The following C10orf71 variants were observed in gnomAD, a reference collection of about 807,000 sequenced individuals.
C10orf71 encodes the protein chromosome 10 open reading frame 71.
For missense variants in C10orf71, 1,869 were observed against 1,804.5 expected (o/e 1.04, Z -0.65); for synonymous variants, 758 against 726.3 (o/e 1.04, Z -0.70).
intron 1 of C10orf71, among the ~76,000 whole-genome samples, 168 bp from the exon 2 acceptor site, chr10:49,315,977 A>G (rs1454832767): frequency 6.6e-6 from 1 of 152,084 alleles, no homozygotes; most frequent in East Asian, 1.9e-4. Flanking sequence ...AATTGCTTGA[A>G]CCCAGGAGGC....
At chr10:49,302,113 A>T (rs1476932455) in intron 1 of C10orf71, among the ~76,000 whole-genome samples, 1 of 152,218 alleles carries the variant, frequency 6.6e-6, no homozygotes, top group African/African-American at 2.4e-5. Flanking sequence ...GGCAGGGGGA[A>T]GGGGAGGCTC....
In C10orf71 at chr10:49,325,422, A is replaced by G; in HGVS notation, c.2877A>G (p.Pro959=). Residue 959 remains proline, a synonymous_variant, in exon 3 of 3, where the codon CCA becomes CCG. Coordinates refer to ENST00000374144, the MANE Select transcript of C10orf71 (RefSeq NM_001135196.2). The part of the protein sequence containing the change: ...ASQPAPKGNF[P]SMPLVGEGDR... ...AGCCAGCCCCAAAGGGGAATTTCCC[A>G]TCTATGCCTCTGGTGGGAGAGGGGG... The G allele has an allele frequency of 6.5e-7, 1 of 1,550,192 alleles. No homozygotes were observed. Among genetic ancestry groups the G allele is most frequent in the Non-Finnish European group, 8.7e-7 (1 of 1,145,816 alleles).
Position 49,327,054 on chromosome 10 carries a change from TCTC to T in C10orf71, c.*205_*207del, listed in dbSNP as rs1849276147. ...GACCTCACCCAAAGGGCTCCCTGGC[TCTC>T]CTCTGATGGAGGGGCACTGCTTGCT... On this transcript the variant is annotated 3_prime_UTR_variant, in exon 3 of 3. Transcript: ENST00000374144. 2.0e-6 allele frequency: 3 copies of T among 1,533,174 alleles called. No homozygotes were observed. Among genetic ancestry groups the T allele is most frequent in the African/African-American group, 2.7e-5 (2 of 73,344 alleles). The allele number at this position is 1,533,174 out of a possible 1,614,324, so 95.0% of individuals were successfully genotyped here.
rs1180786075 is a variant in C10orf71 at position 49,325,181 on chromosome 10, T to C, written c.2636T>C (p.Met879Thr). 6.4e-7 allele frequency: 1 copy of C among 1,552,072 alleles called. No individual in the cohort carries two copies. Among genetic ancestry groups the C allele is most frequent in the East Asian group, 2.4e-5 (1 of 40,914 alleles). ...ATCATGCTGCCTCTCCTGAGGACCATGTCCTTGGAGGACTCCCTCAGCAGT... is the reference window on the plus strand; with the variant it reads ...ATCATGCTGCCTCTCCTGAGGACCACGTCCTTGGAGGACTCCCTCAGCAGT... ...KPIMLPLLRT[M>T]SLEDSLSSGH... The change falls in exon 3 of 3, where the codon ATG becomes ACG. Residue 879 changes from methionine to threonine, a missense_variant. Transcript: ENST00000374144.
In C10orf71 at chr10:49,316,168, T is replaced by G. The variant is rs759555446; in HGVS notation, c.-224T>G. The stretch of plus-strand genomic sequence containing the variant: ...AGATGGGCAGTGATGACACCAAATA[T>G]AAGCATAAAAAGACGTTTTAAAACT... On this transcript the variant is annotated 5_prime_UTR_variant, in exon 2 of 3. An upstream open reading frame in the 5' UTR gains an earlier in-frame stop. Coordinates refer to ENST00000374144, the MANE Select transcript of C10orf71 (RefSeq NM_001135196.2). The G allele has an allele frequency of 1.3e-5, 2 of 152,178 alleles. No homozygotes were observed. The highest frequency in any genetic ancestry group is 2.9e-5 in the Non-Finnish European group (2 of 68,022). 9.4% of individuals were successfully genotyped at this position (152,178 alleles called of 1,614,324 possible).
At chr10:49,303,744 G>A (rs902477856) in intron 1 of C10orf71, among the ~76,000 whole-genome samples, 2 of 152,194 alleles carry the variant, frequency 1.3e-5, no homozygotes, top group Non-Finnish European at 1.5e-5. Flanking sequence ...ATTTGAAAAG[G>A]AGAACCAGGC....
At chr10:49,304,009 C>G (rs999969162) in intron 1 of C10orf71, among the ~76,000 whole-genome samples, 2 of 152,204 alleles carry the variant, frequency 1.3e-5, no homozygotes, top group African/African-American at 4.8e-5. Flanking sequence ...CCCAGGGGTG[C>G]TCTGTGTGAG....
At chr10:49,300,227 A>T (rs1214795720) in intron 1 of C10orf71, among the ~76,000 whole-genome samples, 1 of 152,210 alleles carries the variant, frequency 6.6e-6, no homozygotes. Flanking sequence ...TTCCCTTTGC[A>T]GTAGTGGCTG....
chr10:49,322,222 C>G (rs1427533600), intron 2 of C10orf71, among the ~76,000 whole-genome samples, 180 bp from the exon 3 acceptor site: 2 of 152,148 alleles, frequency 1.3e-5, no homozygotes, highest in Non-Finnish European at 2.9e-5. Flanking sequence ...GTGTTAATCA[C>G]ATCTAAAAAA....
chr10:49,308,135 C>T (rs570329009), intron 1 of C10orf71, among the ~76,000 whole-genome samples: 1 of 152,350 alleles, frequency 6.6e-6, no homozygotes, highest in South Asian at 2.1e-4. Flanking sequence ...GCAGCCCCTG[C>T]TACCCCCTGC....
Position 49,325,753 on chromosome 10 carries a change from C to G in C10orf71, c.3208C>G (p.Pro1070Ala). Residue 1070 changes from proline to alanine, a missense_variant, in exon 3 of 3, where the codon CCT (proline) becomes GCT (alanine). Pro to Ala is a conservative substitution (Grantham distance 27). Transcript: ENST00000374144. ...CCCCGGGGAGAGCAGTGCCTGCTCC[C>G]CTGCTGCCAGCAACATTTGGGAGGA... ...GSPGESSACS[P>A]AASNIWEESS... The G allele has an allele frequency of 6.4e-7, 1 of 1,551,468 alleles. No homozygotes were observed. The highest frequency in any genetic ancestry group is 8.7e-7 in the Non-Finnish European group (1 of 1,146,902).
chr10:49,325,896 C>G lies in C10orf71; in HGVS notation c.3351C>G (p.Leu1117=). 1 of 1,549,944 alleles carries G rather than the reference C, an allele frequency of 6.5e-7. No homozygotes were observed. Among genetic ancestry groups the G allele is most frequent in the Non-Finnish European group, 8.7e-7 (1 of 1,145,764 alleles). Residue 1117 remains leucine (L), a synonymous_variant, in exon 3 of 3, where the codon CTC becomes CTG. Coordinates refer to ENST00000374144, the MANE Select transcript of C10orf71 (RefSeq NM_001135196.2). The part of the protein sequence containing the change: ...VTRREDLTHA[L]VWEGGSDPLL... ...GGAGGGAGGACCTGACCCACGCCCT[C>G]GTGTGGGAGGGCGGCTCTGACCCCC...
Position 49,323,255 on chromosome 10 carries a change from C to A in C10orf71, c.710C>A (p.Pro237Gln). 1 of 1,613,814 alleles carries A rather than the reference C, an allele frequency of 6.2e-7. No homozygotes were observed. Among genetic ancestry groups the A allele is most frequent in the Non-Finnish European group, 8.5e-7 (1 of 1,179,844 alleles). The change falls in exon 3 of 3, where the codon CCA becomes CAA. Residue 237 changes from proline (P) to glutamine (Q), a missense_variant. By Grantham distance (76) the Pro-to-Gln change is moderately conservative. Transcript: ENST00000374144. ...MACHGSSSFL[P>Q]AANDTATLCE... ...TGTCACGGCTCCAGCAGCTTCCTCC[C>A]AGCAGCCAATGACACGGCCACCTTA...
rs1849142161 is a variant in C10orf71 at position 49,323,509 on chromosome 10, G to T, written c.964G>T (p.Val322Phe). Residue 322 changes from valine to phenylalanine, a missense_variant, in exon 3 of 3, where the codon GTC (valine) becomes TTC (phenylalanine). Val to Phe is a conservative substitution (Grantham distance 50). Coordinates refer to ENST00000374144, the MANE Select transcript of C10orf71 (RefSeq NM_001135196.2). Reference sequence around the variant, plus strand: ...AGAACCCTGTCCTCCTGAGCGCACAGTCTCTCCCTGCCAGGTCCAGGCCAG... The same window carrying T: ...AGAACCCTGTCCTCCTGAGCGCACATTCTCTCCCTGCCAGGTCCAGGCCAG... ...LREPCPPERT[V>F]SPCQVQASCS... 6.2e-7 allele frequency: 1 copy of T among 1,612,680 alleles called. No individual in the cohort carries two copies. Among genetic ancestry groups the T allele is most frequent in the African/African-American group, 1.3e-5 (1 of 75,010 alleles).
In C10orf71 at chr10:49,325,075, T is replaced by A; in HGVS notation, c.2530T>A (p.Ser844Thr). ...TTCACAGGCCAAAGACCTTACTCCC[T>A]CACCATCTTCTGCTTCAAACAGGCA... The part of the protein sequence containing the change: ...TFSQAKDLTP[S>T]PSSASNRHML... Residue 844 changes from serine to threonine, a missense_variant, in exon 3 of 3, where the codon TCA becomes ACA. Coordinates refer to ENST00000374144, the MANE Select transcript of C10orf71 (RefSeq NM_001135196.2). 1.9e-6 allele frequency: 3 copies of A among 1,551,842 alleles called. No individual in the cohort carries two copies. Among genetic ancestry groups the A allele is most frequent in the Non-Finnish European group, 2.6e-6 (3 of 1,147,054 alleles).
intron 1 of C10orf71, among the ~76,000 whole-genome samples, chr10:49,306,459 C>T (rs898612266): frequency 4.6e-5 from 7 of 152,240 alleles, no homozygotes; most frequent in African/African-American, 1.7e-4. Flanking sequence ...TGATGACTCT[C>T]ATGTCAGGTC....
chr10:49,316,870 G>A (rs1301088003), intron 2 of C10orf71, among the ~76,000 whole-genome samples: 2 of 152,032 alleles, frequency 1.3e-5, no homozygotes, highest in Non-Finnish European at 2.9e-5. Context: ...TGAAAACCAA[G>A]GGGAGAGGAA....
chr10:49,326,161 G>A lies in C10orf71; in HGVS notation c.3616G>A (p.Glu1206Lys), dbSNP rs2132444236. 2 of 1,551,666 alleles carry A rather than the reference G, an allele frequency of 1.3e-6. No individual in the cohort carries two copies. Among genetic ancestry groups the A allele is most frequent in the South Asian group, 2.4e-5 (2 of 84,070 alleles). The stretch of plus-strand genomic sequence containing the variant: ...TCAGGAGAAGCATGGCGAGTCACAG[G>A]AGGGAAAGCCCTGCCCGGAGGACTT... ...QAQEKHGESQEGKPCPEDLEQ... is the reference protein window; with the variant it reads ...QAQEKHGESQKGKPCPEDLEQ... Residue 1206 changes from glutamate to lysine, a missense_variant, in exon 3 of 3, where the codon GAG becomes AAG. Coordinates refer to ENST00000374144, the MANE Select transcript of C10orf71 (RefSeq NM_001135196.2).
Position 49,326,032 on chromosome 10 carries a change from C to A in C10orf71, c.3487C>A (p.Leu1163Ile). The A allele has an allele frequency of 6.4e-7, 1 of 1,551,698 alleles. No homozygotes were observed. Among genetic ancestry groups the A allele is most frequent in the Non-Finnish European group, 8.7e-7 (1 of 1,146,994 alleles). Reference sequence around the variant, plus strand: ...TGGGAGACTTGAGCTTCCTGCACAGCTAGAGAGGACAGCAAGCAAGCCACC... The same window carrying A: ...TGGGAGACTTGAGCTTCCTGCACAGATAGAGAGGACAGCAAGCAAGCCACC... ...TSGRLELPAQ[L>I]ERTASKPPAV... The change falls in exon 3 of 3, where the codon CTA becomes ATA. Residue 1163 changes from leucine to isoleucine, a missense_variant. Coordinates refer to ENST00000374144, the MANE Select transcript of C10orf71 (RefSeq NM_001135196.2).
Sources: gnomAD v4.1 joint callset for allele counts (sites outside exome capture counted in the v4.1 genomes callset) on GRCh38, gnomAD v4.1.1 for gene constraint, MANE v1.5 for transcripts, NCBI Gene and HGNC (gene_info 2026-07-23, HGNC 2026-07-21) for gene names.